Variants in NEB observed in about 807,000 individuals in gnomAD.
NEB encodes the protein nemaline myopathy type 2.
In NEB, 512 loss-of-function variants were observed where a neutral mutation model predicts 952.2. The observed-to-expected ratio is 0.54, with a 90% confidence interval of 0.50 to 0.58. NEB has a LOEUF of 0.58. NEB is among the 20% of genes least tolerant of loss of function. NEB has a pLI of 0.00. For synonymous variants in NEB, 2,900 were observed against 3,149.8 expected (o/e 0.92, Z 2.66); for missense variants, 8,428 against 9,231.1 (o/e 0.91, Z 3.56).
intron 6 of NEB, 31 bp downstream of exon 6, chr2:151,725,422 C>T: frequency 6.5e-7 from 1 of 1,550,348 alleles, no homozygotes. Flanking sequence ...TTTGAAATGT[C>T]CCTCTCCTTT....
chr2:151,662,064 G>A, intron 46 of NEB, 71 bp downstream of exon 46: 1 of 1,369,862 alleles, frequency 7.3e-7, no homozygotes, highest in Non-Finnish European at 1.0e-6. Context: ...AGCAAAACCT[G>A]TGGATTAAAT....
Position 151,684,890 on chromosome 2 carries a change from G to A in NEB, c.2723C>T (p.Ser908Phe), listed in dbSNP as rs1310758805. ...ATCAACGTCGCTGGCAATTGCCTGA[G>A]ATTTCTTAGCTTGAGTGACTTGGAG... ...DMLQVTQAKK[S>F]QAIASDVDYK... Residue 908 changes from serine (S) to phenylalanine (F), a missense_variant, in exon 28 of 182, where the codon TCT (serine) becomes TTT (phenylalanine). Physicochemically the swap from Ser to Phe is radical, Grantham distance 155 (BLOSUM62 -2). Around this residue, in one of 11 missense-constraint regions of NEB, gnomAD observed 2,851 missense variants for 2,791.5 expected, o/e 1.02. Transcript: ENST00000397345. 3.7e-6 allele frequency: 6 copies of A among 1,613,164 alleles called. No individual in the cohort carries two copies. Among genetic ancestry groups the A allele is most frequent in the Non-Finnish European group, 4.2e-6 (5 of 1,179,562 alleles).
intron 81 of NEB, 97 bp downstream of exon 81, chr2:151,609,712 G>T: frequency 8.2e-7 from 1 of 1,222,810 alleles, no homozygotes. Context: ...GGTTTGTGCA[G>T]TGCACAGCCC....
At chr2:151,552,091 T>C (rs1275259041) in intron 128 of NEB, among the ~76,000 whole-genome samples, 2 of 152,138 alleles carry the variant, frequency 1.3e-5, no homozygotes, top group Non-Finnish European at 2.9e-5. Flanking sequence ...TAGGTCTCAA[T>C]GTTTGCACTC....
chr2:151,687,566 A>G (rs1390561957), intron 26 of NEB, 34 bp from the exon 27 acceptor site: 1 of 1,612,740 alleles, frequency 6.2e-7, no homozygotes, highest in Admixed American at 1.7e-5. Context: ...GATCCCACTC[A>G]CCAGGAAATG....
In NEB at chr2:151,568,075, C is replaced by T. The variant is rs770524501; in HGVS notation, c.17840G>A (p.Ser5947Asn). 4.3e-6 allele frequency: 7 copies of T among 1,612,544 alleles called. No homozygotes were observed. The South Asian group carries it at 7.7e-5, about 18-fold the overall frequency. ...VHAHHCNDVQ[S>N]ELKYKAEHVK... Reference sequence around the variant, plus strand: ...ACTCCCATCAGGATGTATTACCTCACTCTGAACGTCATTGCAGTGATGGGC... The same window carrying T: ...ACTCCCATCAGGATGTATTACCTCATTCTGAACGTCATTGCAGTGATGGGC... The change falls in exon 113 of 182, where the codon AGT becomes AAT. Residue 5947 changes from serine (S) to asparagine (N), a missense_variant. Ser to Asn is a conservative substitution (Grantham distance 46). Transcript: ENST00000397345.
intron 13 of NEB, among the ~76,000 whole-genome samples, chr2:151,703,265 C>T (rs1243084006): frequency 2.0e-4 from 20 of 97,936 alleles, no homozygotes; most frequent in Non-Finnish European, 3.5e-4. Context: ...GAGGGTAACC[C>T]GACCTTTCTC....
intron 106 of NEB, 53 bp from the exon 107 acceptor site, chr2:151,575,852 G>A: frequency 8.3e-7 from 1 of 1,200,346 alleles, no homozygotes; most frequent in Non-Finnish European, 1.2e-6. Context: ...CATGTTGCTA[G>A]TCCCACTATG....
intron 161 of NEB, among the ~76,000 whole-genome samples, chr2:151,512,503 A>T (rs1413449144): frequency 6.6e-6 from 1 of 152,092 alleles, no homozygotes; most frequent in Non-Finnish European, 1.5e-5. Context: ...TTGTAGGGAC[A>T]GGGTTTTGCC....
chr2:151,520,733 G>A (rs1246134519), intron 153 of NEB, among the ~76,000 whole-genome samples: 1 of 151,784 alleles, frequency 6.6e-6, no homozygotes, highest in African/African-American at 2.4e-5. Context: ...GCATTGTGGT[G>A]CACCCCTGTA....
Position 151,519,055 on chromosome 2 carries a change from A to G in NEB, c.22605T>C (p.Ala7535=). ...CGGGTTTGTGAAGTTTCTTCAGGTCAGCCTTGTATTTAACCTGTGTGTTAT... is the reference window on the plus strand; with the variant it reads ...CGGGTTTGTGAAGTTTCTTCAGGTCGGCCTTGTATTTAACCTGTGTGTTAT... ...NNLASEVKYK[A]DLKKLHKPVT... is the part of the protein sequence containing the mutation. The change falls in exon 155 of 182, where the codon GCT becomes GCC. Residue 7535 remains alanine, a synonymous_variant. Transcript: ENST00000397345. 1 of 1,611,010 alleles carries G rather than the reference A, an allele frequency of 6.2e-7. No individual in the cohort carries two copies. The highest frequency in any genetic ancestry group is 8.5e-7 in the Non-Finnish European group (1 of 1,177,260).
intron 112 of NEB, 52 bp from the exon 113 acceptor site, chr2:151,568,230 G>A (rs1208349259): frequency 6.3e-7 from 1 of 1,588,554 alleles, no homozygotes; most frequent in Non-Finnish European, 8.6e-7. Context: ...AGAAGGGAGG[G>A]GTAAGTTGTG....
chr2:151,614,158 C>A, intron 77 of NEB, 118 bp downstream of exon 77: 1 of 1,180,962 alleles, frequency 8.5e-7, no homozygotes, highest in Non-Finnish European at 1.2e-6. Context: ...TTGTGCATTT[C>A]AGAACATTAT....
chr2:151,569,313 G>A lies in NEB; in HGVS notation c.17490C>T (p.Ser5830=), dbSNP rs1290585048. 1.3e-5 allele frequency: 21 copies of A among 1,613,764 alleles called. No homozygotes were observed. Among genetic ancestry groups the A allele is most frequent in the East Asian group, 8.9e-5 (4 of 44,878 alleles). The change falls in exon 110 of 182, where the codon TCC becomes TCT. Residue 5830 remains serine, a synonymous_variant. Coordinates refer to ENST00000397345, the MANE Select transcript of NEB (RefSeq NM_001164508.2). ...CATGTTTGGCATGATTGACGGACAC[G>A]GAGTCATTTGGCATCCACCCAATTC... ...LRGIGWMPND[S]VSVNHAKHAA...
chr2:151,646,036 A>G (rs567810005), intron 55 of NEB, 94 bp downstream of exon 55: 1 of 889,482 alleles, frequency 1.1e-6, no homozygotes, highest in Non-Finnish European at 1.7e-6. Flanking sequence ...AATTAAAATA[A>G]TTCAGGGATT....
At position 151,693,205 on chromosome 2, in the gene NEB, G is replaced by T. The variant is rs571320108; in HGVS notation, c.1897-843C>A. On this transcript the variant is annotated intron_variant, in intron 20 of 181. Transcript: ENST00000397345. ...CTTGTCTGTGTTTCTTTTCTGCTAG[G>T]AATTAGGAAAGCAATTTCTGTGAAG... is the stretch of plus-strand genomic sequence containing the variant. Among the ~76,000 whole-genome samples the T allele has an allele frequency of 8.5e-4, 129 of 152,234 alleles. 2 individuals carry two copies. The highest frequency in any genetic ancestry group is 2.8e-3 in the African/African-American group (118 of 41,540).
At chr2:151,629,670 T>C (rs1435862291) in intron 67 of NEB, 24 bp from the exon 68 acceptor site, 1 of 1,586,082 alleles carries the variant, frequency 6.3e-7, no homozygotes, top group Non-Finnish European at 8.7e-7. Flanking sequence ...GGCAAAGAGT[T>C]AAAGCAAAAG....
chr2:151,493,040 A>G (rs1171783371), intron 176 of NEB: 2 of 275,872 alleles, frequency 7.2e-6, no homozygotes, highest in East Asian at 1.8e-4. Flanking sequence ...GATGTTAGGA[A>G]GTAAATTTGT....
In NEB at chr2:151,546,014, A is replaced by AC. The variant is rs1559762488; in HGVS notation, c.20467-17_20467-16insG. Reference sequence around the variant, plus strand: ...GGTAATTAGACTTAAAAAAAAAAAAAAAAACAGAAATACAAGTTGATTAAT... The same window carrying AC: ...GGTAATTAGACTTAAAAAAAAAAAAACAAAACAGAAATACAAGTTGATTAAT... On this transcript the variant is annotated splice_polypyrimidine_tract_variant and intron_variant, in intron 134 of 181. Coordinates refer to ENST00000397345, the MANE Select transcript of NEB (RefSeq NM_001164508.2). 3 of 1,418,192 alleles carry AC rather than the reference A, an allele frequency of 2.1e-6. No individual in the cohort carries two copies. The highest frequency in any genetic ancestry group is 1.4e-5 in the African/African-American group (1 of 70,198). 87.9% of individuals were successfully genotyped at this position (1,418,192 alleles called of 1,614,324 possible).
Sources: allele counts gnomAD v4.1 joint callset (sites outside exome capture counted in the v4.1 genomes callset), GRCh38; gene constraint gnomAD v4.1.1; regional missense constraint gnomAD v4.1.1; transcripts MANE v1.5; gene names NCBI Gene and HGNC (gene_info 2026-07-23, HGNC 2026-07-21).